Variants in ATXN10 observed in about 807,000 individuals in gnomAD.
The protein encoded by ATXN10 is ataxin-10.
A neutral mutation model predicts 52.9 loss-of-function variants in ATXN10; 28 were observed. That is an observed-to-expected ratio of 0.53 (90% CI 0.39 to 0.73). ATXN10 has a LOEUF of 0.73. Ranked by LOEUF, ATXN10 falls within the 30% of genes least tolerant of loss-of-function variation. The pLI, the probability that ATXN10 is intolerant of heterozygous loss-of-function variation, is 0.00. For missense variants in ATXN10, 565 were observed against 577.0 expected (o/e 0.98, Z 0.21); for synonymous variants, 226 against 221.5 (o/e 1.02, Z -0.18).
In ATXN10 at chr22:45,708,295, G is replaced by C. The variant is rs1924116683; in HGVS notation, c.647+5448G>C. 6.6e-6 allele frequency among the ~76,000 whole-genome samples: 1 copy of C among 152,228 alleles called. No individual in the cohort carries two copies. Among genetic ancestry groups the C allele is most frequent in the African/African-American group, 2.4e-5 (1 of 41,460 alleles). On this transcript the variant is annotated intron_variant, in intron 5 of 11. Transcript: ENST00000252934. The surrounding 1 kb of genome is among the most constrained non-coding windows in gnomAD (Gnocchi z 5.3). ...AAATGTGCACTGGTAGGTTAGGTCAGTCAGTGCAGAATTACACAGTAGAGG... is the reference window on the plus strand; with the variant it reads ...AAATGTGCACTGGTAGGTTAGGTCACTCAGTGCAGAATTACACAGTAGAGG...
rs189779893 is a variant in ATXN10 at position 45,727,581 on chromosome 22, G to A, written c.729-1844G>A. Among the ~76,000 whole-genome samples, 149 of 152,090 alleles carry A rather than the reference G, an allele frequency of 9.8e-4. No individual in the cohort carries two copies. The highest frequency in any genetic ancestry group is 7.2e-3 in the East Asian group (37 of 5,172). On this transcript the variant is annotated intron_variant, in intron 6 of 11. Transcript: ENST00000252934. This position sits in a 1 kb window ranked among gnomAD's most constrained non-coding sequence, Gnocchi z 4.6. ...TCACCATGTTGGCCAGGCTGGTCTC[G>A]AATGCCCGATCTCAGGTGATCCCCC...
intron 8 of ATXN10, among the ~76,000 whole-genome samples, chr22:45,739,677 CA>C (rs1925434435): frequency 6.6e-6 from 1 of 152,188 alleles, no homozygotes; most frequent in South Asian, 2.1e-4. Flanking sequence ...TGCCAGGTGC[CA>C]ACTTTTCTGA....
chr22:45,700,003 G>T (rs1169046756), intron 3 of ATXN10, among the ~76,000 whole-genome samples: 1 of 151,744 alleles, frequency 6.6e-6, no homozygotes, highest in African/African-American at 2.4e-5. Flanking sequence ...GTAGAGATGG[G>T]GTTTTGACAT....
chr22:45,831,324 T>G (rs530126388), intron 10 of ATXN10, among the ~76,000 whole-genome samples: 14 of 152,182 alleles, frequency 9.2e-5, no homozygotes, highest in Non-Finnish European at 1.3e-4. Context: ...GTGTACTCTT[T>G]AGTATAGTTA....
At chr22:45,724,746 G>A (rs1924801060) in intron 6 of ATXN10, among the ~76,000 whole-genome samples, 1 of 152,108 alleles carries the variant, frequency 6.6e-6, no homozygotes, top group South Asian at 2.1e-4. Flanking sequence ...CTTTGACAAT[G>A]TCATAAAGTT....
intron 9 of ATXN10, among the ~76,000 whole-genome samples, chr22:45,747,743 G>T (rs1925788118): frequency 6.6e-6 from 1 of 152,140 alleles, no homozygotes; most frequent in South Asian, 2.1e-4. Flanking sequence ...GCTTCTTCAT[G>T]TATAAAATAG....
intron 9 of ATXN10, among the ~76,000 whole-genome samples, chr22:45,798,092 A>G (rs559567057): frequency 1.3e-5 from 2 of 152,356 alleles, no homozygotes; most frequent in East Asian, 3.9e-4. Context: ...AATTCTGTCA[A>G]GCATTTAAGA....
rs1328639914 is a variant in ATXN10 at position 45,840,428 on chromosome 22, C to T, written c.1238-2563C>T. Reference sequence around the variant, plus strand: ...TAAGACAGGGAAGGCTTCCGGGAGACTGTGATACTTGCTGAGTCTCGAAGG... The same window carrying T: ...TAAGACAGGGAAGGCTTCCGGGAGATTGTGATACTTGCTGAGTCTCGAAGG... On this transcript the variant is annotated intron_variant, in intron 10 of 11. Coordinates refer to ENST00000252934, the MANE Select transcript of ATXN10 (RefSeq NM_013236.4). The surrounding 1 kb of genome is among the most constrained non-coding windows in gnomAD (Gnocchi z 5.8). 6.6e-6 allele frequency among the ~76,000 whole-genome samples: 1 copy of T among 152,144 alleles called. No homozygotes were observed. The highest frequency in any genetic ancestry group is 1.5e-5 in the Non-Finnish European group (1 of 68,044).
In ATXN10 at chr22:45,807,018, C is replaced by A. The variant is rs769190553; in HGVS notation, c.1233C>A (p.Asn411Lys). The change falls in exon 10 of 12, where the codon AAC becomes AAA. Residue 411 changes from asparagine to lysine, a missense_variant. Physicochemically the swap from Asn to Lys is moderately conservative, Grantham distance 94. Transcript: ENST00000252934. ...ILDNCNISDSNPFLTQWVIYA... is the reference protein window; with the variant it reads ...ILDNCNISDSKPFLTQWVIYA... ...ACAACTGCAACATCAGTGACAGTAA[C>A]CCCTGTATCCTTGCATGTGAATTAC... is the stretch of plus-strand genomic sequence containing the variant. 1.2e-6 allele frequency: 2 copies of A among 1,613,526 alleles called. No homozygotes were observed. Among genetic ancestry groups the A allele is most frequent in the Non-Finnish European group, 1.7e-6 (2 of 1,179,468 alleles).
chr22:45,792,833 C>A, intron 9 of ATXN10: 1 of 529,162 alleles, frequency 1.9e-6, no homozygotes, highest in South Asian at 1.5e-5. Flanking sequence ...CCAAAAGAGT[C>A]ATTGGCTTTG....
At chr22:45,792,853 C>A in intron 9 of ATXN10, 1 of 513,280 alleles carries the variant, frequency 1.9e-6, no homozygotes, top group South Asian at 1.6e-5. Flanking sequence ...GGTGAAAAAC[C>A]TTCGACATTT....
Position 45,691,239 on chromosome 22 carries a change from C to G in ATXN10, c.308+1336C>G, listed in dbSNP as rs117812618. ...TGTCCTTTTCCAGTCACAAGGTGCT[C>G]TAGTGTGATGGGGAAGGAAAGGAGA... On this transcript the variant is annotated intron_variant, in intron 2 of 11. Transcript: ENST00000252934. Among the ~76,000 whole-genome samples the G allele has an allele frequency of 4.6e-5, 7 of 152,166 alleles. No homozygotes were observed. In the East Asian group the frequency reaches 1.4e-3, roughly 29 times the overall value.
intron 9 of ATXN10, among the ~76,000 whole-genome samples, chr22:45,796,568 C>A (rs1402355705): frequency 1.3e-5 from 2 of 152,026 alleles, no homozygotes; most frequent in African/African-American, 4.8e-5. Flanking sequence ...TCCCAGAGAC[C>A]CAGCTGTAAA....
At chr22:45,700,091 C>T (rs1363547394) in intron 3 of ATXN10, among the ~76,000 whole-genome samples, 191 bp from the exon 4 acceptor site, 5 of 152,126 alleles carry the variant, frequency 3.3e-5, no homozygotes, top group South Asian at 2.1e-4. Flanking sequence ...GGATTACAGG[C>T]GTGAGCCGCC....
At position 45,712,539 on chromosome 22, in the gene ATXN10, C is replaced by T. The variant is rs574360124; in HGVS notation, c.648-5874C>T. Among the ~76,000 whole-genome samples, 20 of 152,180 alleles carry T rather than the reference C, an allele frequency of 1.3e-4. No homozygotes were observed. Among genetic ancestry groups the T allele is most frequent in the Non-Finnish European group, 2.8e-4 (19 of 68,040 alleles). ...GTGTTGGGCTGAGACTCAAACCCAGCTCTTTCTGAGACCAAAATTTGTGCT... is the reference window on the plus strand; with the variant it reads ...GTGTTGGGCTGAGACTCAAACCCAGTTCTTTCTGAGACCAAAATTTGTGCT... On this transcript the variant is annotated intron_variant, in intron 5 of 11. Transcript: ENST00000252934. This position sits in a 1 kb window ranked among gnomAD's most constrained non-coding sequence, Gnocchi z 4.6.
chr22:45,742,886 A>T (rs1029542413), intron 9 of ATXN10, among the ~76,000 whole-genome samples: 1 of 152,238 alleles, frequency 6.6e-6, no homozygotes, highest in African/African-American at 2.4e-5. Context: ...TTGATAGCGA[A>T]TAAAGCACTT....
In ATXN10 at chr22:45,733,640, C is replaced by T. The variant is rs572710497; in HGVS notation, c.894+4050C>T. On this transcript the variant is annotated intron_variant, in intron 7 of 11. Transcript: ENST00000252934. This position sits in a 1 kb window ranked among gnomAD's most constrained non-coding sequence, Gnocchi z 4.4. Reference sequence around the variant, plus strand: ...AATCCCAGCTACTCGGGAGGCTGTCCCAGCTACTCGGGAGGCGGAGGCAGA... The same window carrying T: ...AATCCCAGCTACTCGGGAGGCTGTCTCAGCTACTCGGGAGGCGGAGGCAGA... 4.6e-5 allele frequency among the ~76,000 whole-genome samples: 7 copies of T among 151,928 alleles called. No individual in the cohort carries two copies. The highest frequency in any genetic ancestry group is 1.7e-4 in the African/African-American group (7 of 41,480).
chr22:45,762,235 C>G lies in ATXN10; in HGVS notation c.1173+21697C>G, dbSNP rs943714791. On this transcript the variant is annotated intron_variant, in intron 9 of 11. Coordinates refer to ENST00000252934, the MANE Select transcript of ATXN10 (RefSeq NM_013236.4). This position sits in a 1 kb window ranked among gnomAD's most constrained non-coding sequence, Gnocchi z 4.3. ...TATTTATTTGCCCTTTGTCTGTTTCCCCTGACCAGCGTGCGTTTCTTTCTG... is the reference window on the plus strand; with the variant it reads ...TATTTATTTGCCCTTTGTCTGTTTCGCCTGACCAGCGTGCGTTTCTTTCTG... 1.3e-5 allele frequency among the ~76,000 whole-genome samples: 2 copies of G among 152,128 alleles called. No individual in the cohort carries two copies. Among genetic ancestry groups the G allele is most frequent in the East Asian group, 3.9e-4 (2 of 5,186 alleles).
rs1273400919 is a variant in ATXN10, at chr22:45,837,903, A to G, written c.1238-5088A>G. 5.3e-5 allele frequency among the ~76,000 whole-genome samples: 8 copies of G among 152,226 alleles called. No individual in the cohort carries two copies. Among genetic ancestry groups the G allele is most frequent in the African/African-American group, 1.9e-4 (8 of 41,458 alleles). ...GCTGTCATAAAAAGCACAGGCCATC[A>G]TTTGCTGACCCCTGTTCTTAGCAGT... On this transcript the variant is annotated intron_variant, in intron 10 of 11. Coordinates refer to ENST00000252934, the MANE Select transcript of ATXN10 (RefSeq NM_013236.4). The surrounding 1 kb of genome is among the most constrained non-coding windows in gnomAD (Gnocchi z 5.8).
Sources: gnomAD v4.1 joint callset for allele counts (sites outside exome capture counted in the v4.1 genomes callset) on GRCh38, gnomAD v4.1.1 for gene constraint, Gnocchi (gnomAD v3.1) non-coding constraint, MANE v1.5 for transcripts, NCBI Gene and HGNC (gene_info 2026-07-23, HGNC 2026-07-21) for gene names.